The following WASF3 variants were observed in gnomAD, a reference collection of about 807,000 sequenced individuals.
WASF3 encodes actin-binding protein WASF3.
WASF3 carries 11 observed loss-of-function variants against 46.6 expected under a neutral mutation model. That is an observed-to-expected ratio of 0.24 (90% CI 0.15 to 0.39). The LOEUF (loss-of-function observed/expected upper bound fraction) is 0.39, where lower values mean the gene tolerates loss of function less well. Ranked by LOEUF, WASF3 falls within the 10% of genes least tolerant of loss-of-function variation. WASF3 has a pLI of 1.00. For synonymous variants in WASF3, 242 were observed against 259.7 expected, an observed-to-expected ratio of 0.93 and a Z score of 0.65; for missense variants, 576 against 669.8, an observed-to-expected ratio of 0.86 and a Z score of 1.55.
intron 6 of WASF3, among the ~76,000 whole-genome samples, chr13:26,675,487 C>T (rs1440451255): frequency 3.5e-3 from 78 of 22,598 alleles, no homozygotes; most frequent in African/African-American, 0.012. Context: ...CACATACACA[C>T]ACACACACAC....
chr13:26,598,433 T>C (rs1880541844), intron 1 of WASF3, among the ~76,000 whole-genome samples: 1 of 152,202 alleles, frequency 6.6e-6, no homozygotes. Context: ...TGATGGTAGT[T>C]CCTTTTGCTG....
At chr13:26,666,866 CAA>C (rs1168774717) in intron 4 of WASF3, among the ~76,000 whole-genome samples, 18 of 62,806 alleles carry the variant, frequency 2.9e-4, no homozygotes, top group East Asian at 1.2e-3. Context: ...AAGACTGTCT[CAA>C]AAAAAAAAAA....
the WASF3 span, among the ~76,000 whole-genome samples, chr13:26,540,806 A>G: frequency 6.6e-6 from 1 of 152,242 alleles, no homozygotes; most frequent in East Asian, 1.9e-4. Context: ...CTAACTCCCT[A>G]TTAGGAGATA....
chr13:26,563,654 C>CA (rs34374716), intron 1 of WASF3, among the ~76,000 whole-genome samples: 7,924 of 46,758 alleles, frequency 0.17, 1,266 homozygotes, highest in Admixed American at 0.23. Flanking sequence ...GACTCCATCT[C>CA]AAAAAAAAAA....
At chr13:26,657,731 T>TA (rs1882508829) in intron 3 of WASF3, among the ~76,000 whole-genome samples, 2 of 152,262 alleles carry the variant, frequency 1.3e-5, no homozygotes, top group Admixed American at 6.5e-5. Context: ...TTAGTTTAGC[T>TA]ATTAATGGAC....
At chr13:26,577,654 A>G in intron 1 of WASF3, 1 of 1,187,522 alleles carries the variant, frequency 8.4e-7, no homozygotes, top group Non-Finnish European at 1.2e-6. Context: ...ATGGATATGA[A>G]CCACCAGTCC....
intron 7 of WASF3, among the ~76,000 whole-genome samples, chr13:26,677,663 C>T (rs1182554598): frequency 6.6e-6 from 1 of 152,114 alleles, no homozygotes; most frequent in Non-Finnish European, 1.5e-5. Flanking sequence ...GGTAATTTTT[C>T]TGTACAAACT....
At chr13:26,548,345 T>C in the WASF3 span, among the ~76,000 whole-genome samples, 4 of 152,182 alleles carry the variant, frequency 2.6e-5, no homozygotes, top group Non-Finnish European at 5.9e-5. Flanking sequence ...TTTCCGAAGG[T>C]CAATGATCAA....
chr13:26,549,469 A>T, the WASF3 span, among the ~76,000 whole-genome samples: 3 of 152,154 alleles, frequency 2.0e-5, no homozygotes, highest in African/African-American at 7.2e-5. Flanking sequence ...ATTAATAAAG[A>T]TTATGGGTAT....
At chr13:26,642,860 A>G (rs1882040149) in intron 3 of WASF3, among the ~76,000 whole-genome samples, 1 of 152,154 alleles carries the variant, frequency 6.6e-6, no homozygotes, top group African/African-American at 2.4e-5. Flanking sequence ...TAACATCCCA[A>G]ATGAACCATA....
chr13:26,678,777 C>A (rs1428954551), intron 7 of WASF3, among the ~76,000 whole-genome samples: 3 of 152,216 alleles, frequency 2.0e-5, no homozygotes, highest in Non-Finnish European at 4.4e-5. Context: ...GGGAGTCGCA[C>A]ACCTCCATGC....
At chr13:26,681,613 C>CTGATT (rs1883234179) in intron 8 of WASF3, among the ~76,000 whole-genome samples, 1 of 152,152 alleles carries the variant, frequency 6.6e-6, no homozygotes, top group Admixed American at 6.5e-5. Context: ...GTATTAAGTG[C>CTGATT]TGATTTTGTG....
At chr13:26,575,116 G>A (rs369010626) in intron 1 of WASF3, among the ~76,000 whole-genome samples, 23 of 152,244 alleles carry the variant, frequency 1.5e-4, no homozygotes, top group African/African-American at 4.1e-4. Context: ...GATTACAGGC[G>A]TGAGCCACCG....
chr13:26,566,230 TAG>T (rs1879460002), intron 1 of WASF3, among the ~76,000 whole-genome samples: 1 of 152,236 alleles, frequency 6.6e-6, no homozygotes, highest in Non-Finnish European at 1.5e-5. Context: ...AAGTTACAGA[TAG>T]AGTTTTAAGT....
chr13:26,685,916 T>C lies in WASF3; in HGVS notation c.*71T>C. Reference sequence around the variant, plus strand: ...TTAAGTGGTCTCTACACCCAAATAGTGGTATTCTAATCCCGTAGCATAGCA... The same window carrying C: ...TTAAGTGGTCTCTACACCCAAATAGCGGTATTCTAATCCCGTAGCATAGCA... On this transcript the variant is annotated 3_prime_UTR_variant, in exon 10 of 10. Coordinates refer to ENST00000335327, the MANE Select transcript of WASF3 (RefSeq NM_006646.6). The C allele has an allele frequency of 6.4e-7, 1 of 1,568,220 alleles. No individual in the cohort carries two copies. The highest frequency in any genetic ancestry group is 1.7e-4 in the Middle Eastern group (1 of 5,900).
intron 3 of WASF3, among the ~76,000 whole-genome samples, chr13:26,653,762 T>TGTTCAAATGTGTGTCTTCA (rs1465314037): frequency 6.6e-6 from 1 of 152,248 alleles, no homozygotes; most frequent in Non-Finnish European, 1.5e-5. Flanking sequence ...ATGCTGATGA[T>TGTTCAAATGTGTGTCTTCA]GTTCAAATGT....
At chr13:26,580,932 C>CTT (rs5802385) in intron 1 of WASF3, among the ~76,000 whole-genome samples, 40,551 of 136,672 alleles carry the variant, frequency 0.3, 6,335 homozygotes, top group East Asian at 0.57. Flanking sequence ...GCATAAATTT[C>CTT]TTTTTTTTTT....
Position 26,643,746 on chromosome 13 carries a change from TAATC to T in WASF3, c.133+1348_133+1351del, listed in dbSNP as rs527241640. ...CCGACATAAACTGTCAGAGTTTTAA[TAATC>T]AATCTGTATCTCATGCTGTAATAAT... On this transcript the variant is annotated intron_variant, in intron 3 of 9. Transcript: ENST00000335327. 1.7e-4 allele frequency among the ~76,000 whole-genome samples: 26 copies of T among 152,324 alleles called. No individual in the cohort carries two copies. The East Asian group carries it at 4.6e-3, about 27-fold the overall frequency.
At chr13:26,628,540 T>C (rs532788194) in intron 2 of WASF3, among the ~76,000 whole-genome samples, 1 of 152,312 alleles carries the variant, frequency 6.6e-6, no homozygotes, top group Admixed American at 6.5e-5. Context: ...TCAAGGATCC[T>C]GAATGGATCA....
Sources: allele counts gnomAD v4.1 joint callset (sites outside exome capture counted in the v4.1 genomes callset), GRCh38; gene constraint gnomAD v4.1.1; transcripts MANE v1.5; gene names NCBI Gene and HGNC (gene_info 2026-07-23, HGNC 2026-07-21).